Variants in PRKCH observed in about 807,000 individuals in gnomAD.
PRKCH encodes the protein protein kinase C eta, also known as protein kinase C eta type.
A neutral mutation model predicts 82.5 loss-of-function variants in PRKCH; 28 were observed. The observed-to-expected ratio is 0.34, with a 90% CI of 0.25 to 0.47. The LOEUF (loss-of-function observed/expected upper bound fraction) is 0.47. Among genes scored for constraint, PRKCH ranks in the 20% least tolerant of loss-of-function variants. PRKCH has a pLI of 1.00. For missense variants in PRKCH, 705 were observed against 881.8 expected, an observed-to-expected ratio of 0.80 and a Z score of 2.54; for synonymous variants, 322 against 327.4, an observed-to-expected ratio of 0.98 and a Z score of 0.18.
intron 1 of PRKCH, among the ~76,000 whole-genome samples, chr14:61,349,802 A>G (rs2046047072): frequency 6.6e-6 from 1 of 152,188 alleles, no homozygotes; most frequent in Non-Finnish European, 1.5e-5. Flanking sequence ...CGGAGGCTGC[A>G]GTAAGCTGAG....
chr14:61,349,931 C>T (rs1383349177), intron 1 of PRKCH, among the ~76,000 whole-genome samples: 1 of 151,996 alleles, frequency 6.6e-6, no homozygotes, highest in Non-Finnish European at 1.5e-5. Context: ...GGTTGTTTTA[C>T]AAAAGCTGTA....
rs367822988 is a variant in PRKCH at position 61,381,578 on chromosome 14, C to T, written c.364-9647C>T. Among the ~76,000 whole-genome samples, 4 of 152,358 alleles carry T rather than the reference C, an allele frequency of 2.6e-5. No homozygotes were observed. The East Asian group carries it at 5.8e-4, about 22-fold the overall frequency. Reference sequence around the variant, plus strand: ...GTGTCTGCAGCATGTGATGCTGACTCGGACTCTCCAGGCAGCTGACTAACG... The same window carrying T: ...GTGTCTGCAGCATGTGATGCTGACTTGGACTCTCCAGGCAGCTGACTAACG... On this transcript the variant is annotated intron_variant, in intron 1 of 13. Transcript: ENST00000332981.
At chr14:61,392,421 A>G (rs1420665880) in intron 2 of PRKCH, among the ~76,000 whole-genome samples, 1 of 152,100 alleles carries the variant, frequency 6.6e-6, no homozygotes, top group Non-Finnish European at 1.5e-5. Flanking sequence ...AACACTTTCT[A>G]TGGCCATTGC....
chr14:61,266,104 T>C (rs969682162), intron 1 of PRKCH, among the ~76,000 whole-genome samples: 2 of 151,376 alleles, frequency 1.3e-5, no homozygotes, highest in African/African-American at 2.4e-5. Context: ...TTTTAAAGAC[T>C]ACTGAAGCTT....
chr14:61,523,234 T>C (rs931163029), intron 10 of PRKCH, among the ~76,000 whole-genome samples: 2 of 152,206 alleles, frequency 1.3e-5, no homozygotes, highest in African/African-American at 4.8e-5. Flanking sequence ...GTAAAATCCA[T>C]TGAACTCTAT....
intron 1 of PRKCH, among the ~76,000 whole-genome samples, chr14:61,192,400 T>C (rs994137980): frequency 1.3e-5 from 2 of 152,226 alleles, no homozygotes; most frequent in African/African-American, 2.4e-5. Context: ...GAAAAGTTAT[T>C]GCAAGAATTA....
chr14:61,542,514 A>G (rs1566936523), intron 12 of PRKCH, among the ~76,000 whole-genome samples: 1 of 152,192 alleles, frequency 6.6e-6, no homozygotes, highest in Non-Finnish European at 1.5e-5. Flanking sequence ...TATCTCAGAA[A>G]TTAAAAAAAA....
At chr14:61,229,521 G>A (rs2044724033) in intron 1 of PRKCH, among the ~76,000 whole-genome samples, 1 of 152,204 alleles carries the variant, frequency 6.6e-6, no homozygotes, top group Non-Finnish European at 1.5e-5. Flanking sequence ...TAAGCCACTA[G>A]CTGTTTGTGT....
At chr14:61,495,430 A>G (rs1212636701) in intron 10 of PRKCH, among the ~76,000 whole-genome samples, 4 of 152,218 alleles carry the variant, frequency 2.6e-5, no homozygotes, top group African/African-American at 4.8e-5. Context: ...CAAGCAACCA[A>G]TTGCTTCATT....
At chr14:61,270,775 C>T (rs1041400671) in intron 1 of PRKCH, among the ~76,000 whole-genome samples, 1 of 152,066 alleles carries the variant, frequency 6.6e-6, no homozygotes, top group Non-Finnish European at 1.5e-5. Context: ...GAGTTGGAGG[C>T]CAGTGAGGCC....
In PRKCH at chr14:61,363,966, G is replaced by A. The variant is rs975820621; in HGVS notation, c.364-27259G>A. Among the ~76,000 whole-genome samples, 11 of 105,514 alleles carry A rather than the reference G, an allele frequency of 1.0e-4. No homozygotes were observed. In the East Asian group the frequency reaches 2.4e-3, roughly 23 times the overall value. The allele number at this position is 105,514 out of a possible 152,430, so 69.2% of individuals were successfully genotyped here. A position where few individuals can be genotyped will look rare whatever the true frequency, so the allele number is the denominator to read the frequency against. ...AATATATAAAATTTTATATATATAC[G>A]TGTGCATGTGTGTGTATATGTGTGT... On this transcript the variant is annotated intron_variant, in intron 1 of 13. Transcript: ENST00000332981.
intron 1 of PRKCH, among the ~76,000 whole-genome samples, chr14:61,388,369 C>CTG (rs879777767): frequency 2.6e-5 from 4 of 152,150 alleles, no homozygotes; most frequent in Non-Finnish European, 5.9e-5. Context: ...GGAAGGAAAC[C>CTG]TGTTCTACTT....
At chr14:61,396,184 G>C (rs1053668012) in intron 2 of PRKCH, among the ~76,000 whole-genome samples, 2 of 151,658 alleles carry the variant, frequency 1.3e-5, no homozygotes, top group African/African-American at 2.4e-5. Context: ...CTCCATGCCT[G>C]TTTTCATGAT....
intron 10 of PRKCH, among the ~76,000 whole-genome samples, chr14:61,513,770 C>G (rs2042782170): frequency 6.6e-6 from 1 of 152,062 alleles, no homozygotes; most frequent in African/African-American, 2.4e-5. Context: ...TGTGCCTCTA[C>G]TTTTACCTCA....
chr14:61,447,269 A>G (rs57769307), intron 4 of PRKCH, among the ~76,000 whole-genome samples: 8,062 of 152,330 alleles, frequency 0.053, 250 homozygotes, highest in African/African-American at 0.078. Context: ...ACATGTATGT[A>G]TGTACCTAGC....
chr14:61,468,047 T>C (rs1885336508), intron 9 of PRKCH, among the ~76,000 whole-genome samples: 1 of 152,112 alleles, frequency 6.6e-6, no homozygotes, highest in Admixed American at 6.5e-5. Flanking sequence ...CAAATAGAAG[T>C]TTTGAGTCTC....
At chr14:61,400,887 G>A (rs1881573409) in intron 2 of PRKCH, among the ~76,000 whole-genome samples, 1 of 152,172 alleles carries the variant, frequency 6.6e-6, no homozygotes, top group Admixed American at 6.5e-5. Flanking sequence ...GTAAGTGCCA[G>A]AGCCCAGACA....
At chr14:61,213,662 G>A (rs1164427344) in intron 1 of PRKCH, among the ~76,000 whole-genome samples, 1 of 152,126 alleles carries the variant, frequency 6.6e-6, no homozygotes, top group Admixed American at 6.5e-5. Flanking sequence ...AATATCTTCT[G>A]GCCAAAGGCA....
At chr14:61,526,569 G>A (rs972065023) in intron 10 of PRKCH, among the ~76,000 whole-genome samples, 7 of 152,244 alleles carry the variant, frequency 4.6e-5, no homozygotes, top group Admixed American at 1.3e-4. Context: ...GTGGAAACCA[G>A]TCATGCCAGT....
Sources: allele counts gnomAD v4.1 joint callset (sites outside exome capture counted in the v4.1 genomes callset), GRCh38; gene constraint gnomAD v4.1.1; transcripts MANE v1.5; gene names NCBI Gene and HGNC (gene_info 2026-07-23, HGNC 2026-07-21).